Variants in MYRIP observed in about 807,000 individuals in gnomAD.
MYRIP encodes rab effector MyRIP.
Under a neutral mutation model 98.0 loss-of-function variants are expected in MYRIP, and 49 were observed. The ratio of observed to expected loss-of-function variants is 0.50; its 90% confidence interval spans 0.40 to 0.63. The LOEUF (loss-of-function observed/expected upper bound fraction) is 0.63, where lower values mean the gene tolerates loss of function less well. Among genes scored for constraint, MYRIP ranks in the 30% least tolerant of loss-of-function variants. The probability of loss-of-function intolerance (pLI) is 0.00; values close to 1 mark genes in which losing one functional copy is unlikely to be tolerated. For synonymous variants in MYRIP, 404 were observed against 409.5 expected, an observed-to-expected ratio of 0.99 and a Z score of 0.16; for missense variants, 1,004 against 1,058.2, an observed-to-expected ratio of 0.95 and a Z score of 0.71.
intron 3 of MYRIP, among the ~76,000 whole-genome samples, chr3:40,045,645 T>C (rs1947655708): frequency 6.6e-6 from 1 of 152,164 alleles, no homozygotes; most frequent in African/African-American, 2.4e-5. Context: ...CAGTTGGATG[T>C]TGGAAGAAAT....
At chr3:40,013,989 C>A (rs887027638) in intron 2 of MYRIP, among the ~76,000 whole-genome samples, 3 of 152,174 alleles carry the variant, frequency 2.0e-5, no homozygotes, top group African/African-American at 7.2e-5. Flanking sequence ...ATTGATGTAC[C>A]ATAAGCATTA....
At chr3:40,036,324 A>AAC (rs1553607293) in intron 2 of MYRIP, among the ~76,000 whole-genome samples, 36 of 125,652 alleles carry the variant, frequency 2.9e-4, no homozygotes, top group African/African-American at 8.7e-4. Context: ...AAAAAAAAAA[A>AAC]CTTTATTCAA....
At chr3:40,135,171 T>C (rs998550067) in intron 3 of MYRIP, among the ~76,000 whole-genome samples, 2 of 152,028 alleles carry the variant, frequency 1.3e-5, no homozygotes, top group Admixed American at 1.3e-4. Flanking sequence ...GAATAACCAA[T>C]GCAGAGAAGT....
At chr3:40,058,217 T>C (rs991583104) in intron 3 of MYRIP, among the ~76,000 whole-genome samples, 4 of 152,244 alleles carry the variant, frequency 2.6e-5, no homozygotes, top group East Asian at 3.9e-4. Context: ...CACTTGGGAA[T>C]TGGTGAATGA....
At chr3:39,864,485 T>C (rs1942564465) in intron 1 of MYRIP, among the ~76,000 whole-genome samples, 1 of 152,056 alleles carries the variant, frequency 6.6e-6, no homozygotes, top group African/African-American at 2.4e-5. Flanking sequence ...CAAAAGTCAC[T>C]AGCATTCCTA....
intron 2 of MYRIP, among the ~76,000 whole-genome samples, chr3:40,033,118 G>T (rs976548312): frequency 6.7e-6 from 1 of 149,784 alleles, no homozygotes; most frequent in African/African-American, 2.4e-5. Context: ...ATATCATACT[G>T]AATGGGCAAA....
intron 2 of MYRIP, among the ~76,000 whole-genome samples, chr3:40,036,255 C>A (rs1236928130): frequency 1.1e-5 from 1 of 94,760 alleles, no homozygotes; most frequent in Non-Finnish European, 1.9e-5. Flanking sequence ...GAGTCTTCTA[C>A]AAAGGAAGAA....
chr3:40,176,552 C>A (rs1559435450), intron 8 of MYRIP, among the ~76,000 whole-genome samples: 2 of 152,030 alleles, frequency 1.3e-5, no homozygotes, highest in Admixed American at 6.6e-5. Context: ...AAATTCGAGA[C>A]CAGCCTAGGC....
intron 2 of MYRIP, among the ~76,000 whole-genome samples, chr3:39,980,980 G>A (rs938001519): frequency 2.6e-5 from 4 of 152,092 alleles, no homozygotes; most frequent in African/African-American, 7.2e-5. Context: ...TGATGGTTGC[G>A]TAACAATATG....
At chr3:40,238,979 C>T (rs1044432425) in intron 12 of MYRIP, among the ~76,000 whole-genome samples, 1 of 151,714 alleles carries the variant, frequency 6.6e-6, no homozygotes, top group African/African-American at 2.4e-5. Flanking sequence ...CATATGTATA[C>T]ATGTGCCATG....
intron 7 of MYRIP, among the ~76,000 whole-genome samples, chr3:40,168,382 T>A (rs12629429): frequency 0.23 from 35,076 of 152,134 alleles, 4,592 homozygotes; most frequent in South Asian, 0.41. Flanking sequence ...CTATCGTAAA[T>A]GTACTCAGAA....
intron 2 of MYRIP, among the ~76,000 whole-genome samples, chr3:39,935,170 G>T (rs1944630135): frequency 6.6e-6 from 1 of 152,194 alleles, no homozygotes; most frequent in African/African-American, 2.4e-5. Context: ...ATTGGTTTAA[G>T]ATTCTTTACA....
intron 1 of MYRIP, among the ~76,000 whole-genome samples, chr3:39,894,974 AT>A (rs1170289870): frequency 6.6e-6 from 1 of 152,234 alleles, no homozygotes; most frequent in Non-Finnish European, 1.5e-5. Context: ...TAAATGAAAA[AT>A]TGCAACTTAG....
chr3:40,219,751 T>A (rs556142156), intron 11 of MYRIP, among the ~76,000 whole-genome samples: 1 of 152,288 alleles, frequency 6.6e-6, no homozygotes, highest in South Asian at 2.1e-4. Context: ...ACATTTGGCT[T>A]GGTTCCAAGT....
intron 11 of MYRIP, among the ~76,000 whole-genome samples, chr3:40,216,267 G>C (rs1472811737): frequency 2.0e-5 from 3 of 152,152 alleles, no homozygotes; most frequent in African/African-American, 7.2e-5. Context: ...TACTCCAAAA[G>C]GTTTTAAGTA....
chr3:40,105,598 T>C (rs1462286191), intron 3 of MYRIP, among the ~76,000 whole-genome samples: 1 of 152,246 alleles, frequency 6.6e-6, no homozygotes, highest in East Asian at 1.9e-4. Flanking sequence ...TACAGTACTG[T>C]ATTAGTCCAT....
At chr3:40,073,841 G>T (rs565049501) in intron 3 of MYRIP, among the ~76,000 whole-genome samples, 6 of 152,308 alleles carry the variant, frequency 3.9e-5, no homozygotes, top group Admixed American at 2.0e-4. Context: ...GCCCCCAGGG[G>T]CTCCCCCTAC....
intron 2 of MYRIP, among the ~76,000 whole-genome samples, chr3:40,035,357 A>G (rs73827310): frequency 0.064 from 9,713 of 152,118 alleles, 652 homozygotes; most frequent in African/African-American, 0.16. Flanking sequence ...TGAGAAACAG[A>G]TGTGAAGCTG....
chr3:40,086,900 G>T (rs189768026), intron 3 of MYRIP, among the ~76,000 whole-genome samples: 1 of 152,092 alleles, frequency 6.6e-6, no homozygotes. Context: ...TCTCGGGGTG[G>T]GCACTGCGGC....
Sources: allele counts gnomAD v4.1 joint callset (sites outside exome capture counted in the v4.1 genomes callset), GRCh38; gene constraint gnomAD v4.1.1; transcripts MANE v1.5; gene names NCBI Gene and HGNC (gene_info 2026-07-23, HGNC 2026-07-21).